The following ARHGAP22 variants were observed in gnomAD, a reference collection of about 807,000 sequenced individuals.
ARHGAP22 encodes the protein Rho GTPase activating protein 22.
In ARHGAP22, 48 loss-of-function variants were observed where a neutral mutation model predicts 59.1. That is an observed-to-expected ratio of 0.81 (90% CI 0.64 to 1.03). The LOEUF is 1.03. ARHGAP22 is among the 50% of genes least tolerant of loss of function. The probability of loss-of-function intolerance (pLI) is 0.00; values close to 1 mark genes in which losing one functional copy is unlikely to be tolerated. For synonymous variants in ARHGAP22, 445 were observed against 416.4 expected, an observed-to-expected ratio of 1.07 and a Z score of -0.84; for missense variants, 1,015 against 958.7, an observed-to-expected ratio of 1.06 and a Z score of -0.78.
intron 1 of ARHGAP22, among the ~76,000 whole-genome samples, chr10:48,648,560 C>G (rs1447825636): frequency 6.6e-6 from 1 of 152,196 alleles, no homozygotes; most frequent in African/African-American, 2.4e-5. Context: ...CTCAACTCAC[C>G]CAGGTGACCC....
chr10:48,650,398 G>A (rs1246748102), intron 1 of ARHGAP22, among the ~76,000 whole-genome samples: 1 of 152,154 alleles, frequency 6.6e-6, no homozygotes, highest in Non-Finnish European at 1.5e-5. Context: ...CATGGAGGCA[G>A]AACACAGATT....
chr10:48,446,509 TCA>T lies in ARHGAP22; in HGVS notation c.1977_1978del (p.Glu660ThrfsTer60). Reference sequence around the variant, plus strand: ...CCTCTCCGCATCCTCCCGCGCCCGTTCAGAGTTCCGCAGCTTTATTTCCAGCA... The same window carrying T: ...CCTCTCCGCATCCTCCCGCGCCCGTTGAGTTCCGCAGCTTTATTTCCAGCA... On this transcript the variant is annotated frameshift_variant, in exon 10 of 10. Coordinates refer to ENST00000249601, the MANE Select transcript of ARHGAP22 (RefSeq NM_021226.4). LOFTEE classifies it high-confidence loss of function. 2 of 1,614,234 alleles carry T rather than the reference TCA, an allele frequency of 1.2e-6. No individual in the cohort carries two copies.
chr10:48,533,789 CT>C (rs2055090799), intron 3 of ARHGAP22, among the ~76,000 whole-genome samples: 1 of 152,200 alleles, frequency 6.6e-6, no homozygotes. Context: ...GTGGACTGTA[CT>C]TTACAGTGTT....
At chr10:48,493,730 A>T in intron 3 of ARHGAP22, 1 of 1,215,890 alleles carries the variant, frequency 8.2e-7, no homozygotes, top group Non-Finnish European at 1.1e-6. Context: ...ACTTGCTGGG[A>T]TCCCCGCCAG....
At chr10:48,480,654 C>T (rs1483014019) in intron 3 of ARHGAP22, among the ~76,000 whole-genome samples, 2 of 152,322 alleles carry the variant, frequency 1.3e-5, no homozygotes, top group African/African-American at 2.4e-5. Flanking sequence ...GCACCTGGTA[C>T]GTGCCTGGGA....
At chr10:48,490,364 T>C (rs557990608) in intron 3 of ARHGAP22, among the ~76,000 whole-genome samples, 130 of 152,264 alleles carry the variant, frequency 8.5e-4, no homozygotes, top group Middle Eastern at 6.8e-3. Context: ...CATAGCAGGA[T>C]GGGCAGCAGC....
chr10:48,589,608 G>A (rs771158308), intron 1 of ARHGAP22, among the ~76,000 whole-genome samples: 1 of 152,160 alleles, frequency 6.6e-6, no homozygotes, highest in Non-Finnish European at 1.5e-5. Context: ...AGACTTAACA[G>A]CTTGGACTTG....
At chr10:48,576,278 G>A (rs1157180466) in intron 2 of ARHGAP22, among the ~76,000 whole-genome samples, 2 of 152,228 alleles carry the variant, frequency 1.3e-5, no homozygotes, top group Non-Finnish European at 2.9e-5. Flanking sequence ...TCAGAGGCCA[G>A]CGTGGGGCTC....
At chr10:48,561,482 T>A (rs4838421) in intron 2 of ARHGAP22, among the ~76,000 whole-genome samples, 40,481 of 151,988 alleles carry the variant, frequency 0.27, 6,048 homozygotes, top group African/African-American at 0.4. Context: ...AAAAAAGAAC[T>A]AATTGATAAA....
intron 2 of ARHGAP22, among the ~76,000 whole-genome samples, chr10:48,572,600 A>C (rs7358030): frequency 0.39 from 58,718 of 151,982 alleles, 12,786 homozygotes; most frequent in East Asian, 0.89. Flanking sequence ...AGTAGGCATG[A>C]GTCAGGACCC....
upstream of ARHGAP22, among the ~76,000 whole-genome samples, chr10:48,609,244 AT>A (rs1254585845): frequency 6.6e-6 from 1 of 152,176 alleles, no homozygotes. Flanking sequence ...CTCCACCTGA[AT>A]CTGTTCTCCC....
chr10:48,462,779 C>G (rs1055414106), intron 4 of ARHGAP22, among the ~76,000 whole-genome samples: 1 of 152,260 alleles, frequency 6.6e-6, no homozygotes, highest in East Asian at 1.9e-4. Flanking sequence ...CAGCCTTGAG[C>G]ACAGGAGGTG....
intron 2 of ARHGAP22, among the ~76,000 whole-genome samples, chr10:48,570,111 G>A (rs1365059926): frequency 6.6e-6 from 1 of 152,178 alleles, no homozygotes; most frequent in Admixed American, 6.5e-5. Flanking sequence ...AGCTGCTACT[G>A]CCAATTTCAA....
At chr10:48,595,371 G>A (rs980759291) in intron 1 of ARHGAP22, among the ~76,000 whole-genome samples, 2 of 152,208 alleles carry the variant, frequency 1.3e-5, no homozygotes, top group Admixed American at 1.3e-4. Flanking sequence ...GTTTCATCAA[G>A]TTAATGCAAT....
intron 3 of ARHGAP22, among the ~76,000 whole-genome samples, chr10:48,515,729 T>G (rs1415001346): frequency 1.3e-5 from 2 of 152,238 alleles, no homozygotes; most frequent in Non-Finnish European, 2.9e-5. Flanking sequence ...GAAAGTATAT[T>G]CACTGACTAC....
chr10:48,543,110 G>A (rs1312106998), intron 3 of ARHGAP22, among the ~76,000 whole-genome samples: 3 of 152,160 alleles, frequency 2.0e-5, no homozygotes, highest in Non-Finnish European at 2.9e-5. Flanking sequence ...GTATCCATGT[G>A]CCCAAGGGGA....
intron 1 of ARHGAP22, among the ~76,000 whole-genome samples, chr10:48,585,261 A>G (rs2889659): frequency 0.73 from 110,329 of 152,098 alleles, 40,636 homozygotes; most frequent in East Asian, 0.99. Flanking sequence ...TGCTTGATAC[A>G]CTGCTTCCTT....
At chr10:48,455,581 C>G (rs2046412230) in intron 5 of ARHGAP22, among the ~76,000 whole-genome samples, 2 of 152,208 alleles carry the variant, frequency 1.3e-5, no homozygotes, top group South Asian at 4.1e-4. Context: ...AGGGGAGGGC[C>G]CTGGGACATG....
intron 3 of ARHGAP22, among the ~76,000 whole-genome samples, chr10:48,480,505 C>G (rs991767436): frequency 2.0e-5 from 3 of 152,206 alleles, no homozygotes; most frequent in African/African-American, 7.2e-5. Flanking sequence ...ACATCCTACC[C>G]CCCGACATCC....
Sources: gnomAD v4.1 joint callset for allele counts (sites outside exome capture counted in the v4.1 genomes callset) on GRCh38, gnomAD v4.1.1 for gene constraint, MANE v1.5 for transcripts, NCBI Gene and HGNC (gene_info 2026-07-23, HGNC 2026-07-21) for gene names.